The following SLC44A1 variants were observed in gnomAD, a reference collection of about 807,000 sequenced individuals.
SLC44A1 encodes solute carrier family 44 member 1, also known as choline transporter-like protein 1.
In SLC44A1, 26 loss-of-function variants were observed where a neutral mutation model predicts 79.3. The observed-to-expected ratio is 0.33, with a 90% CI of 0.24 to 0.46. The LOEUF (loss-of-function observed/expected upper bound fraction) is 0.46. Among genes scored for constraint, SLC44A1 ranks in the 20% least tolerant of loss-of-function variants. The pLI, the probability that SLC44A1 is intolerant of heterozygous loss-of-function variation, is 1.00. For synonymous variants in SLC44A1, 263 were observed against 286.2 expected, an observed-to-expected ratio of 0.92 and a Z score of 0.82; for missense variants, 688 against 798.1, an observed-to-expected ratio of 0.86 and a Z score of 1.66.
At chr9:105,327,429 C>T (rs900714475) in intron 3 of SLC44A1, among the ~76,000 whole-genome samples, 2 of 152,136 alleles carry the variant, frequency 1.3e-5, no homozygotes, top group East Asian at 3.9e-4. Context: ...ATTACAGGCG[C>T]ACACCACCAC....
chr9:105,325,010 A>G (rs1826526561), intron 3 of SLC44A1, among the ~76,000 whole-genome samples: 1 of 152,224 alleles, frequency 6.6e-6, no homozygotes, highest in African/African-American at 2.4e-5. Flanking sequence ...GTATCTACCC[A>G]AGAGAACTAA....
At chr9:105,267,112 T>C (rs1311567350) in intron 1 of SLC44A1, among the ~76,000 whole-genome samples, 6 of 152,176 alleles carry the variant, frequency 3.9e-5, no homozygotes, top group Non-Finnish European at 7.3e-5. Flanking sequence ...ACCTGGCATG[T>C]TTTTATTTTT....
In SLC44A1 at chr9:105,391,517, A is replaced by T. The variant is rs1354547734; in HGVS notation, c.*2461A>T. On this transcript the variant is annotated 3_prime_UTR_variant, in exon 16 of 16. Coordinates refer to ENST00000374720, the MANE Select transcript of SLC44A1 (RefSeq NM_080546.5). Reference sequence around the variant, plus strand: ...GCCGTGTAGAAATATGCAGATATGCATTACACAGGCACACACAGAGAGATA... The same window carrying T: ...GCCGTGTAGAAATATGCAGATATGCTTTACACAGGCACACACAGAGAGATA... 1 of 985,486 alleles carries T rather than the reference A, an allele frequency of 1.0e-6. No individual in the cohort carries two copies. The allele number at this position is 985,486 out of a possible 1,614,324, so 61.0% of individuals were successfully genotyped here.
chr9:105,318,429 C>T (rs1243051060), intron 3 of SLC44A1, among the ~76,000 whole-genome samples: 2 of 152,200 alleles, frequency 1.3e-5, no homozygotes, highest in Non-Finnish European at 2.9e-5. Context: ...TTCCCCCCAC[C>T]TCAGCCTCCC....
chr9:105,336,528 G>T (rs1175931118), intron 4 of SLC44A1, among the ~76,000 whole-genome samples: 3 of 151,970 alleles, frequency 2.0e-5, no homozygotes, highest in African/African-American at 4.8e-5. Flanking sequence ...CTATCTTTTT[G>T]AATTTCCTTG....
At chr9:105,271,800 G>A (rs1257448930) in intron 1 of SLC44A1, among the ~76,000 whole-genome samples, 2 of 152,122 alleles carry the variant, frequency 1.3e-5, no homozygotes, top group Non-Finnish European at 1.5e-5. Flanking sequence ...TTTTAGTAGA[G>A]ACGGGGTTTC....
intron 15 of SLC44A1, among the ~76,000 whole-genome samples, chr9:105,435,619 T>G (rs1331588699): frequency 6.6e-6 from 1 of 151,076 alleles, no homozygotes; most frequent in Admixed American, 6.6e-5. Context: ...TAGCTGTTTC[T>G]TTTTCTTTAG....
chr9:105,274,260 C>G (rs977493927), intron 1 of SLC44A1, among the ~76,000 whole-genome samples: 1 of 152,178 alleles, frequency 6.6e-6, no homozygotes, highest in Non-Finnish European at 1.5e-5. Flanking sequence ...TATATCTTTT[C>G]TATCAGCATT....
At chr9:105,320,194 G>C (rs544839553) in intron 3 of SLC44A1, among the ~76,000 whole-genome samples, 133 of 151,652 alleles carry the variant, frequency 8.8e-4, no homozygotes, top group African/African-American at 2.9e-3. Flanking sequence ...TCAGTGGTTA[G>C]TTCCTTTTAA....
chr9:105,371,676 G>A (rs1455803982), intron 12 of SLC44A1, among the ~76,000 whole-genome samples: 1 of 135,918 alleles, frequency 7.4e-6, no homozygotes, highest in Non-Finnish European at 1.5e-5. Context: ...CTGAGATCGT[G>A]CCTCTGCACT....
chr9:105,421,873 C>T (rs1829255767), intron 15 of SLC44A1, among the ~76,000 whole-genome samples: 1 of 152,232 alleles, frequency 6.6e-6, no homozygotes, highest in Non-Finnish European at 1.5e-5. Flanking sequence ...AGGCGTGAGC[C>T]ACCGCGCCCA....
At chr9:105,252,418 A>G (rs1829610314) in intron 1 of SLC44A1, among the ~76,000 whole-genome samples, 1 of 152,222 alleles carries the variant, frequency 6.6e-6, no homozygotes, top group African/African-American at 2.4e-5. Flanking sequence ...CTCCTACCTT[A>G]GAACACTGGG....
rs561216950 is a variant in SLC44A1, at chr9:105,364,749, G to A, written c.1253+29G>A. On this transcript the variant is annotated intron_variant, in intron 10 of 15. Transcript: ENST00000374720. ...AGAATATGTTGTTATTAGAAAACTC[G>A]AGTTCATCTAAGGGATGGTGTCCGC... The A allele has an allele frequency of 3.2e-5, 51 of 1,585,938 alleles. 1 individual carries two copies. In the East Asian group the frequency reaches 5.1e-4, roughly 16 times the overall value.
At chr9:105,402,903 CA>C (rs1828975825) in intron 15 of SLC44A1, among the ~76,000 whole-genome samples, 1 of 151,622 alleles carries the variant, frequency 6.6e-6, no homozygotes, top group African/African-American at 2.4e-5. Context: ...CCTCAAACTC[CA>C]TAGCTCAAGC....
At chr9:105,349,153 C>T (rs995127007) in intron 5 of SLC44A1, among the ~76,000 whole-genome samples, 2 of 152,110 alleles carry the variant, frequency 1.3e-5, no homozygotes, top group Non-Finnish European at 2.9e-5. Flanking sequence ...GGTAGGTATA[C>T]GTATCTGTAT....
intron 1 of SLC44A1, among the ~76,000 whole-genome samples, chr9:105,295,761 TG>T (rs773810582): frequency 7.1e-6 from 1 of 141,634 alleles, no homozygotes; most frequent in Non-Finnish European, 1.5e-5. Context: ...GGGCGGGGAG[TG>T]GGGGGGAGGG....
intron 1 of SLC44A1, among the ~76,000 whole-genome samples, chr9:105,282,751 G>C (rs905214594): frequency 3.9e-5 from 6 of 152,132 alleles, no homozygotes; most frequent in African/African-American, 1.4e-4. Context: ...GTTTCACCAT[G>C]TTGGCCAGGC....
chr9:105,403,848 G>C, intron 15 of SLC44A1, among the ~76,000 whole-genome samples: 1 of 58,596 alleles, frequency 1.7e-5, no homozygotes, highest in Non-Finnish European at 4.1e-5. Context: ...GTGGGGACAT[G>C]AAATTGGAGC....
At chr9:105,414,407 A>G (rs1829140798) in intron 15 of SLC44A1, among the ~76,000 whole-genome samples, 1 of 152,188 alleles carries the variant, frequency 6.6e-6, no homozygotes, top group African/African-American at 2.4e-5. Flanking sequence ...GATTTTCATT[A>G]AAGTTCCTAA....
Sources: allele counts gnomAD v4.1 joint callset (sites outside exome capture counted in the v4.1 genomes callset), GRCh38; gene constraint gnomAD v4.1.1; transcripts MANE v1.5; gene names NCBI Gene and HGNC (gene_info 2026-07-23, HGNC 2026-07-21).